The following TTC13 variants were observed in gnomAD, a reference collection of about 807,000 sequenced individuals.
The protein encoded by TTC13 is tetratricopeptide repeat protein 13.
Under a neutral mutation model 120.0 loss-of-function variants are expected in TTC13, and 62 were observed. The observed-to-expected ratio is 0.52, with a 90% CI of 0.42 to 0.64. TTC13 has a LOEUF of 0.64. Among genes scored for constraint, TTC13 ranks in the 30% least tolerant of loss-of-function variants. The pLI is 0.00. For synonymous variants in TTC13, 384 were observed against 393.5 expected, an observed-to-expected ratio of 0.98 and a Z score of 0.28; for missense variants, 824 against 1,050.2, an observed-to-expected ratio of 0.78 and a Z score of 2.98.
intron 1 of TTC13, 25 bp from the exon 2 acceptor site, chr1:230,961,328 T>C (rs1676618336): frequency 6.5e-7 from 1 of 1,527,110 alleles, no homozygotes; most frequent in Admixed American, 1.7e-5. Context: ...TTCTTTGTTA[T>C]TCTCTACACC....
At position 230,953,409 on chromosome 1, in the gene TTC13, C is replaced by T. The variant is rs113721922; in HGVS notation, c.513+924G>A. 3.9e-3 allele frequency among the ~76,000 whole-genome samples: 599 copies of T among 152,318 alleles called. 7 individuals are homozygous for T. Among genetic ancestry groups the T allele is most frequent in the African/African-American group, 0.014 (568 of 41,578 alleles). ...GGAAGGCATTTGTTGGCACTTGCTA[C>T]GGTTAACACAGATGAATATACCAGA... On this transcript the variant is annotated intron_variant, in intron 4 of 22. Transcript: ENST00000366661.
intron 8 of TTC13, among the ~76,000 whole-genome samples, chr1:230,937,235 C>CAAATTCTCTATTT (rs1333478173): frequency 6.6e-6 from 1 of 152,148 alleles, no homozygotes; most frequent in Non-Finnish European, 1.5e-5. Context: ...TTCAAATACC[C>CAAATTCTCTATTT]CAAAGAGCCC....
At chr1:230,959,214 C>T (rs537822969) in intron 2 of TTC13, among the ~76,000 whole-genome samples, 13 of 152,048 alleles carry the variant, frequency 8.5e-5, no homozygotes, top group Non-Finnish European at 1.9e-4. Context: ...TACCATTTGC[C>T]AAGCCTTTCT....
intron 17 of TTC13, 57 bp from the exon 18 acceptor site, chr1:230,916,359 C>T (rs1672029364): frequency 1.2e-5 from 15 of 1,246,226 alleles, no homozygotes; most frequent in Non-Finnish European, 1.5e-5. Context: ...TAAACCCCAA[C>T]TGCAACTCTG....
intron 1 of TTC13, among the ~76,000 whole-genome samples, chr1:230,967,520 A>AT (rs1244059252): frequency 6.6e-6 from 1 of 152,128 alleles, no homozygotes; most frequent in East Asian, 1.9e-4. Context: ...TAACAAACTA[A>AT]TTTAATTTTT....
At chr1:230,974,683 T>C (rs188730046) in intron 1 of TTC13, among the ~76,000 whole-genome samples, 1 of 152,356 alleles carries the variant, frequency 6.6e-6, no homozygotes, top group East Asian at 1.9e-4. Flanking sequence ...GTAACTGTAC[T>C]TATTTCTTCC....
intron 1 of TTC13, among the ~76,000 whole-genome samples, chr1:230,967,156 A>G (rs1162527088): frequency 8.1e-5 from 12 of 147,574 alleles, no homozygotes; most frequent in Non-Finnish European, 1.8e-4. Context: ...TAAAATATTT[A>G]TATTAATTTA....
At chr1:230,911,830 C>G (rs1167702742) in intron 19 of TTC13, among the ~76,000 whole-genome samples, 1 of 152,122 alleles carries the variant, frequency 6.6e-6, no homozygotes, top group African/African-American at 2.4e-5. Context: ...TTTGAAATGT[C>G]AAAATATATA....
At chr1:230,964,923 A>G (rs998520615) in intron 1 of TTC13, among the ~76,000 whole-genome samples, 1 of 152,224 alleles carries the variant, frequency 6.6e-6, no homozygotes, top group African/African-American at 2.4e-5. Context: ...CTGAATATCC[A>G]TATGCAAAAG....
chr1:230,906,919 G>T lies in TTC13; in HGVS notation c.2569C>A (p.Leu857Ile). The change falls in exon 23 of 23, where the codon CTT becomes ATT. Residue 857 changes from leucine to isoleucine, a missense_variant. Leu to Ile is a conservative substitution (Grantham distance 5). This residue lies in a region of TTC13 where 226 missense variants were observed against 259.1 expected (regional missense o/e 0.87). Coordinates refer to ENST00000366661, the MANE Select transcript of TTC13 (RefSeq NM_024525.5). ...CAGCAGCAGAACTAGAGTTTCTTAA[G>T]ACAACGTGGAGAAGAGTCTGTGTTT... ...VLNTDSSPRC[L>I]KKL 6.6e-7 allele frequency: 1 copy of T among 1,506,468 alleles called. No individual in the cohort carries two copies. Among genetic ancestry groups the T allele is most frequent in the South Asian group, 1.3e-5 (1 of 75,276 alleles). The allele number at this position is 1,506,468 out of a possible 1,614,324, so 93.3% of individuals were successfully genotyped here.
chr1:230,906,770 T>C lies in TTC13; in HGVS notation c.*135A>G. ...GGTTCAGAAAAGTAAAGAAAATGAT[T>C]TCAAGTATTCAATTCCTATAAAAAT... On this transcript the variant is annotated 3_prime_UTR_variant, in exon 23 of 23. Coordinates refer to ENST00000366661, the MANE Select transcript of TTC13 (RefSeq NM_024525.5). The C allele has an allele frequency of 2.4e-6, 1 of 411,384 alleles. No homozygotes were observed. The highest frequency in any genetic ancestry group is 4.4e-6 in the Non-Finnish European group (1 of 225,694). The allele number at this position is 411,384 out of a possible 1,614,324, so 25.5% of individuals were successfully genotyped here.
rs147422406 is a variant in TTC13 at position 230,968,012 on chromosome 1, G to C, written c.272-6709C>G. Among the ~76,000 whole-genome samples, 104 of 152,286 alleles carry C rather than the reference G, an allele frequency of 6.8e-4. 1 individual carries two copies. The highest frequency in any genetic ancestry group is 2.4e-3 in the African/African-American group (98 of 41,570). On this transcript the variant is annotated intron_variant, in intron 1 of 22. Transcript: ENST00000366661. Reference sequence around the variant, plus strand: ...TGCTTCAGAGTTTAATGTCTTAGCAGAGATTTCTGCACAGTTGCCTCTTAA... The same window carrying C: ...TGCTTCAGAGTTTAATGTCTTAGCACAGATTTCTGCACAGTTGCCTCTTAA...
chr1:230,943,694 A>G (rs907626280), intron 6 of TTC13, 112 bp downstream of exon 6: 48 of 788,510 alleles, frequency 6.1e-5, no homozygotes, highest in Non-Finnish European at 9.0e-5. Context: ...GACATAGAAA[A>G]ACATAAGAGT....
rs758638125 is a variant in TTC13 at position 230,961,202 on chromosome 1, T to A, written c.366+7A>T. The stretch of plus-strand genomic sequence containing the variant: ...ACAAAAACAGAACACAGAGAGAAGA[T>A]GCATACCAGAATCTTCTCAGTGTTG... On this transcript the variant is annotated splice_region_variant and intron_variant, in intron 2 of 22. Transcript: ENST00000366661. The A allele has an allele frequency of 6.2e-7, 1 of 1,609,268 alleles. No homozygotes were observed. Among genetic ancestry groups the A allele is most frequent in the Non-Finnish European group, 8.5e-7 (1 of 1,176,110 alleles).
chr1:230,940,294 T>C lies in TTC13; in HGVS notation c.789+146A>G. 1 of 484,744 alleles carries C rather than the reference T, an allele frequency of 2.1e-6. No homozygotes were observed. Among genetic ancestry groups the C allele is most frequent in the Non-Finnish European group, 3.6e-6 (1 of 274,918 alleles). The allele number at this position is 484,744 out of a possible 1,614,324, so 30.0% of individuals were successfully genotyped here. On this transcript the variant is annotated intron_variant, in intron 7 of 22. Transcript: ENST00000366661. This position sits in a 1 kb window ranked among gnomAD's most constrained non-coding sequence, Gnocchi z 4.1. ...GTTCTCCACTGGGTTTAATTTCAGCTACAGAAAATGCTTTTATAACTCTTA... is the reference window on the plus strand; with the variant it reads ...GTTCTCCACTGGGTTTAATTTCAGCCACAGAAAATGCTTTTATAACTCTTA...
intron 2 of TTC13, among the ~76,000 whole-genome samples, chr1:230,960,575 G>GAA (rs397983176): frequency 2.7e-4 from 35 of 128,592 alleles, no homozygotes; most frequent in East Asian, 6.3e-4. Flanking sequence ...GGCTTTGTTT[G>GAA]AAAAAAAAAA....
intron 8 of TTC13, among the ~76,000 whole-genome samples, chr1:230,937,022 C>T (rs180700505): frequency 1.6e-3 from 246 of 152,308 alleles, no homozygotes; most frequent in African/African-American, 5.4e-3. Context: ...ATCTATTATA[C>T]TTGCTGATGC....
At chr1:230,925,045 T>G (rs1672937718) in intron 13 of TTC13, 72 bp from the exon 14 acceptor site, 1 of 1,581,404 alleles carries the variant, frequency 6.3e-7, no homozygotes, top group Non-Finnish European at 8.7e-7. Context: ...TTACAGAGTC[T>G]CAGTGATAAC....
chr1:230,909,025 T>C lies in TTC13; in HGVS notation c.2310-5A>G. ...ATGACCGAGTAAGCAATTACACTATTTAAATAAAGAACAAAGGTCAATCCA... is the reference window on the plus strand; with the variant it reads ...ATGACCGAGTAAGCAATTACACTATCTAAATAAAGAACAAAGGTCAATCCA... On this transcript the variant is annotated splice_polypyrimidine_tract_variant and splice_region_variant and intron_variant, in intron 20 of 22. Coordinates refer to ENST00000366661, the MANE Select transcript of TTC13 (RefSeq NM_024525.5). The C allele has an allele frequency of 6.2e-7, 1 of 1,613,720 alleles. No homozygotes were observed. The highest frequency in any genetic ancestry group is 8.5e-7 in the Non-Finnish European group (1 of 1,179,660).
Sources: gnomAD v4.1 joint callset for allele counts (sites outside exome capture counted in the v4.1 genomes callset) on GRCh38, gnomAD v4.1.1 for gene constraint, gnomAD v4.1.1 regional missense constraint, Gnocchi (gnomAD v3.1) non-coding constraint, MANE v1.5 for transcripts, NCBI Gene and HGNC (gene_info 2026-07-23, HGNC 2026-07-21) for gene names.